CLINT1: variants seen among roughly 807,000 people sequenced by gnomAD.
CLINT1 encodes the protein clathrin interactor 1, also known as clathrin interacting protein localized in the trans-Golgi region.
CLINT1 carries 15 observed loss-of-function variants against 70.4 expected under a neutral mutation model. The observed-to-expected ratio is 0.21, with a 90% CI of 0.14 to 0.33. The LOEUF (loss-of-function observed/expected upper bound fraction) is 0.33. Among genes scored for constraint, CLINT1 ranks in the 10% least tolerant of loss-of-function variants. CLINT1 has a pLI of 1.00. For synonymous variants in CLINT1, 227 were observed against 254.7 expected (o/e 0.89, Z 1.04); for missense variants, 615 against 778.1 (o/e 0.79, Z 2.49).
intron 6 of CLINT1, among the ~76,000 whole-genome samples, 174 bp from the exon 7 acceptor site, chr5:157,806,286 C>A (rs568666442): frequency 6.6e-6 from 1 of 151,842 alleles, no homozygotes; most frequent in African/African-American, 2.4e-5. Context: ...GATATATGTG[C>A]GCTGGGGAGG....
At chr5:157,790,412 C>A (rs1581471367) in intron 10 of CLINT1, 1 of 279,480 alleles carries the variant, frequency 3.6e-6, no homozygotes, top group East Asian at 9.8e-5. Flanking sequence ...GAGAAAGAAG[C>A]AGAGGTTCCT....
intron 1 of CLINT1, among the ~76,000 whole-genome samples, chr5:157,842,079 A>T (rs1203957444): frequency 6.6e-6 from 1 of 152,228 alleles, no homozygotes; most frequent in East Asian, 1.9e-4. Flanking sequence ...TTAGATATAG[A>T]TGTAAGTTTT....
intron 1 of CLINT1, among the ~76,000 whole-genome samples, chr5:157,856,367 T>C (rs1753759640): frequency 6.6e-6 from 1 of 152,218 alleles, no homozygotes; most frequent in Admixed American, 6.5e-5. Context: ...CTGCCTCAAA[T>C]CATACATACA....
At chr5:157,792,875 C>A (rs1367381947) in intron 9 of CLINT1, among the ~76,000 whole-genome samples, 1 of 152,180 alleles carries the variant, frequency 6.6e-6, no homozygotes, top group Non-Finnish European at 1.5e-5. Flanking sequence ...GAAAGAGCTA[C>A]ATAAAAACCG....
intron 11 of CLINT1, among the ~76,000 whole-genome samples, chr5:157,788,458 G>A (rs1323391152): frequency 2.0e-5 from 3 of 151,988 alleles, no homozygotes; most frequent in Non-Finnish European, 4.4e-5. Context: ...GAAAAAAACA[G>A]AAGTATGAAG....
At chr5:157,788,968 G>GAAAAAAAAAAAA (rs58634730) in intron 11 of CLINT1, among the ~76,000 whole-genome samples, 233 of 95,566 alleles carry the variant, frequency 2.4e-3, no homozygotes, top group Non-Finnish European at 3.4e-3. Context: ...CTCCATCTCA[G>GAAAAAAAAAAAA]AAAAAAAAAA....
intron 1 of CLINT1, among the ~76,000 whole-genome samples, chr5:157,830,759 T>TCC (rs1763203661): frequency 1.1e-4 from 5 of 47,568 alleles, no homozygotes; most frequent in African/African-American, 2.6e-4. Context: ...TCTCTCTCCC[T>TCC]CTCTCTCTCT....
intron 1 of CLINT1, among the ~76,000 whole-genome samples, chr5:157,836,294 G>C (rs1455735206): frequency 6.6e-6 from 1 of 152,174 alleles, no homozygotes; most frequent in East Asian, 1.9e-4. Context: ...TTTTACAGAT[G>C]AGAAAACTGA....
At chr5:157,813,475 C>T (rs950344990) in intron 4 of CLINT1, among the ~76,000 whole-genome samples, 1 of 152,074 alleles carries the variant, frequency 6.6e-6, no homozygotes, top group African/African-American at 2.4e-5. Flanking sequence ...GATAATGGTA[C>T]TATGCAAGGT....
rs1018779427 is a variant in CLINT1 at position 157,786,382 on chromosome 5, T to C, written c.*1264A>G. 1.3e-5 allele frequency: 2 copies of C among 152,412 alleles called. No individual in the cohort carries two copies. Among genetic ancestry groups the C allele is most frequent in the Admixed American group, 1.3e-4 (2 of 15,266 alleles). 9.4% of individuals were successfully genotyped at this position (152,412 alleles called of 1,614,324 possible). A position where few individuals can be genotyped will look rare whatever the true frequency, so the allele number is the denominator to read the frequency against. ...CAATTTAATAAAAAAATTTTCAACA[T>C]AACATGGGGAGGTAATAATTTGATA... On this transcript the variant is annotated 3_prime_UTR_variant, in exon 12 of 12. Coordinates refer to ENST00000411809, the MANE Select transcript of CLINT1 (RefSeq NM_014666.4).
At chr5:157,806,294 A>C (rs1359196677) in intron 6 of CLINT1, among the ~76,000 whole-genome samples, 182 bp from the exon 7 acceptor site, 1 of 152,168 alleles carries the variant, frequency 6.6e-6, no homozygotes, top group Non-Finnish European at 1.5e-5. Context: ...TGCGCTGGGG[A>C]GGGGAAGTGG....
chr5:157,800,614 A>T (rs556190135), intron 8 of CLINT1, among the ~76,000 whole-genome samples: 15 of 152,314 alleles, frequency 9.8e-5, no homozygotes, highest in African/African-American at 3.6e-4. Context: ...CTTTAATTTT[A>T]AAAAATTCTT....
In CLINT1 at chr5:157,794,269, G is replaced by A. The variant is rs938258241; in HGVS notation, c.1087+629C>T. 1.9e-4 allele frequency among the ~76,000 whole-genome samples: 29 copies of A among 151,800 alleles called. 1 individual carries two copies. Among genetic ancestry groups the A allele is most frequent in the South Asian group, 1.9e-3 (9 of 4,798 alleles). On this transcript the variant is annotated intron_variant, in intron 9 of 11. Transcript: ENST00000411809. The stretch of plus-strand genomic sequence containing the variant: ...AGTTAAACAGCTACCATATGGCAGG[G>A]GTAATAAGATAAAAATATTAATTAA...
intron 1 of CLINT1, among the ~76,000 whole-genome samples, chr5:157,822,172 G>C (rs1028848564): frequency 6.6e-6 from 1 of 151,044 alleles, no homozygotes; most frequent in Non-Finnish European, 1.5e-5. Flanking sequence ...CCCTCATACT[G>C]TTCTAGTGGT....
At chr5:157,792,889 T>C (rs186237531) in intron 9 of CLINT1, among the ~76,000 whole-genome samples, 6 of 152,316 alleles carry the variant, frequency 3.9e-5, no homozygotes, top group Middle Eastern at 6.8e-3. Context: ...AAAACCGTCA[T>C]CTGAAAGCAA....
intron 1 of CLINT1, among the ~76,000 whole-genome samples, chr5:157,834,210 A>C (rs1288373944): frequency 6.6e-6 from 1 of 151,850 alleles, no homozygotes; most frequent in East Asian, 1.9e-4. Flanking sequence ...CTAAAATACA[A>C]AAAAAGTTAG....
In CLINT1 at chr5:157,792,051, G is replaced by T. The variant is rs1222401381; in HGVS notation, c.1088-56C>A. On this transcript the variant is annotated intron_variant, in intron 9 of 11. Coordinates refer to ENST00000411809, the MANE Select transcript of CLINT1 (RefSeq NM_014666.4). The stretch of plus-strand genomic sequence containing the variant: ...ACTTCATGGAATGCACAGAACAAAT[G>T]TAACAATCTATGAACTGAAACAAAT... The T allele has an allele frequency of 2.7e-6, 4 of 1,475,944 alleles. No homozygotes were observed. In the South Asian group the frequency reaches 3.8e-5, roughly 14 times the overall value. The allele number at this position is 1,475,944 out of a possible 1,614,324, so 91.4% of individuals were successfully genotyped here.
At chr5:157,793,688 C>A (rs1761984034) in intron 9 of CLINT1, among the ~76,000 whole-genome samples, 1 of 152,040 alleles carries the variant, frequency 6.6e-6, no homozygotes. Flanking sequence ...AAGTATTAAC[C>A]CTTAGATGGC....
At chr5:157,818,940 A>C (rs1018030112) in intron 1 of CLINT1, among the ~76,000 whole-genome samples, 1 of 152,208 alleles carries the variant, frequency 6.6e-6, no homozygotes, top group Admixed American at 6.5e-5. Flanking sequence ...TGAATATGGT[A>C]ATTCAATTCT....
Sources: gnomAD v4.1 joint callset for allele counts (sites outside exome capture counted in the v4.1 genomes callset) on GRCh38, gnomAD v4.1.1 for gene constraint, MANE v1.5 for transcripts, NCBI Gene and HGNC (gene_info 2026-07-23, HGNC 2026-07-21) for gene names.